DCC: variants seen among roughly 807,000 people sequenced by gnomAD.
DCC encodes the protein netrin receptor DCC.
A neutral mutation model predicts 172.5 loss-of-function variants in DCC; 58 were observed. The observed-to-expected ratio is 0.34, with a 90% CI of 0.27 to 0.42. The LOEUF (loss-of-function observed/expected upper bound fraction) is 0.42. Ranked by LOEUF, DCC falls within the 10% of genes least tolerant of loss-of-function variation. The pLI, the probability that DCC is intolerant of heterozygous loss-of-function variation, is 1.00. For missense variants in DCC, 1,740 were observed against 1,791.0 expected (o/e 0.97, Z 0.51); for synonymous variants, 709 against 644.5 (o/e 1.10, Z -1.52).
intron 14 of DCC, among the ~76,000 whole-genome samples, chr18:53,333,824 C>T (rs2057560540): frequency 6.6e-6 from 1 of 152,188 alleles, no homozygotes; most frequent in African/African-American, 2.4e-5. Flanking sequence ...CACATATATG[C>T]TGATGGCTTC....
At chr18:52,428,624 C>T (rs1007552522) in intron 1 of DCC, among the ~76,000 whole-genome samples, 2 of 152,042 alleles carry the variant, frequency 1.3e-5, no homozygotes, top group Admixed American at 1.3e-4. Context: ...TTATTATTGT[C>T]ATCATTAGCC....
intron 19 of DCC, among the ~76,000 whole-genome samples, chr18:53,403,709 C>CT (rs1491520690): frequency 6.0e-4 from 33 of 54,898 alleles, no homozygotes; most frequent in African/African-American, 1.2e-3. Context: ...TTTTTTCCTT[C>CT]TTTTTTTGCA....
At chr18:53,223,137 T>C (rs890658662) in intron 12 of DCC, among the ~76,000 whole-genome samples, 6 of 152,158 alleles carry the variant, frequency 3.9e-5, no homozygotes, top group Non-Finnish European at 7.4e-5. Flanking sequence ...TCCATGTCAA[T>C]ATGAATTTTT....
chr18:52,521,188 G>C (rs1237319190), intron 1 of DCC, among the ~76,000 whole-genome samples: 1 of 150,872 alleles, frequency 6.6e-6, no homozygotes. Flanking sequence ...ATTTTTTTTT[G>C]AGATTTAACT....
chr18:52,830,043 G>C (rs919111200), intron 2 of DCC, among the ~76,000 whole-genome samples: 1 of 152,080 alleles, frequency 6.6e-6, no homozygotes, highest in Non-Finnish European at 1.5e-5. Flanking sequence ...GAGCCAGCAG[G>C]TACAAAGTTC....
intron 1 of DCC, among the ~76,000 whole-genome samples, chr18:52,620,396 G>C (rs17755628): frequency 0.02 from 3,031 of 152,242 alleles, 103 homozygotes; most frequent in East Asian, 0.091. Context: ...TGAGACTCTG[G>C]CTCCATAACT....
At chr18:53,280,089 A>C (rs943473895) in intron 12 of DCC, among the ~76,000 whole-genome samples, 3 of 152,114 alleles carry the variant, frequency 2.0e-5, no homozygotes, top group African/African-American at 7.2e-5. Context: ...AACCTAAAAC[A>C]AAAGTTTTTT....
intron 1 of DCC, among the ~76,000 whole-genome samples, chr18:52,630,315 G>T (rs2034651237): frequency 6.6e-6 from 1 of 152,080 alleles, no homozygotes; most frequent in Non-Finnish European, 1.5e-5. Context: ...TGAATTCTGG[G>T]GATCGAATTC....
intron 21 of DCC, among the ~76,000 whole-genome samples, chr18:53,421,235 T>G (rs1350935413): frequency 2.0e-5 from 3 of 152,194 alleles, no homozygotes; most frequent in Non-Finnish European, 4.4e-5. Flanking sequence ...AAATCGATAT[T>G]CTTAGCATGA....
At chr18:52,980,930 A>G (rs974663042) in intron 5 of DCC, among the ~76,000 whole-genome samples, 5 of 143,918 alleles carry the variant, frequency 3.5e-5, no homozygotes, top group East Asian at 2.0e-4. Context: ...GTTTCAGAAA[A>G]CAAACATACT....
chr18:53,004,745 T>C (rs140101337), intron 5 of DCC, among the ~76,000 whole-genome samples: 116 of 152,246 alleles, frequency 7.6e-4, no homozygotes, highest in African/African-American at 2.8e-3. Flanking sequence ...TATGTGTGAT[T>C]CCCTGTGCCA....
At chr18:52,833,823 G>A (rs910104665) in intron 2 of DCC, among the ~76,000 whole-genome samples, 4 of 152,092 alleles carry the variant, frequency 2.6e-5, no homozygotes, top group African/African-American at 9.7e-5. Context: ...ACCATGCCTA[G>A]CTAATTAAAA....
chr18:53,019,434 G>A (rs1187911142), intron 5 of DCC, among the ~76,000 whole-genome samples: 3 of 151,966 alleles, frequency 2.0e-5, no homozygotes, highest in Non-Finnish European at 2.9e-5. Flanking sequence ...CTTTTCCTAG[G>A]GTTGGTACCT....
At chr18:53,096,662 A>T (rs962696068) in intron 7 of DCC, among the ~76,000 whole-genome samples, 3 of 152,172 alleles carry the variant, frequency 2.0e-5, no homozygotes, top group Admixed American at 1.3e-4. Context: ...TTATAGCCTC[A>T]TAGTGAATTC....
intron 12 of DCC, among the ~76,000 whole-genome samples, chr18:53,255,624 T>A (rs973216496): frequency 1.3e-5 from 2 of 152,140 alleles, no homozygotes; most frequent in African/African-American, 2.4e-5. Context: ...TGGTTGGACA[T>A]TTGGATTGGT....
chr18:53,207,947 T>G, intron 11 of DCC, 130 bp downstream of exon 11: 1 of 824,264 alleles, frequency 1.2e-6, no homozygotes. Context: ...ACTATTACAG[T>G]TAAATGTAAA....
intron 1 of DCC, among the ~76,000 whole-genome samples, chr18:52,475,152 C>T (rs74822096): frequency 0.041 from 6,311 of 152,256 alleles, 169 homozygotes; most frequent in Non-Finnish European, 0.061. Flanking sequence ...CATCTATCTG[C>T]ATTTTACTTT....
intron 2 of DCC, among the ~76,000 whole-genome samples, chr18:52,841,067 C>T (rs750236153): frequency 4.6e-5 from 7 of 152,110 alleles, no homozygotes; most frequent in Non-Finnish European, 1.0e-4. Flanking sequence ...CAGGTTGAGA[C>T]TTGAATGAGG....
chr18:52,387,313 A>G (rs1309617679), intron 1 of DCC, among the ~76,000 whole-genome samples: 1 of 152,138 alleles, frequency 6.6e-6, no homozygotes, highest in East Asian at 1.9e-4. Flanking sequence ...GACAAAGGAT[A>G]AATGGATCTT....
Sources: gnomAD v4.1 joint callset for allele counts (sites outside exome capture counted in the v4.1 genomes callset) on GRCh38, gnomAD v4.1.1 for gene constraint, MANE v1.5 for transcripts, NCBI Gene and HGNC (gene_info 2026-07-23, HGNC 2026-07-21) for gene names.